Variants in HGS observed in about 807,000 individuals in gnomAD.
The protein encoded by HGS is human growth factor-regulated tyrosine kinase substrate.
A neutral mutation model predicts 109.7 loss-of-function variants in HGS; 63 were observed. The ratio of observed to expected loss-of-function variants is 0.57; its 90% CI spans 0.47 to 0.71. The LOEUF (loss-of-function observed/expected upper bound fraction) is 0.71, where lower values mean the gene tolerates loss of function less well. HGS is among the 30% of genes least tolerant of loss of function. The probability of loss-of-function intolerance (pLI) is 0.00; values close to 1 mark genes in which losing one functional copy is unlikely to be tolerated. For missense variants in HGS, 995 were observed against 1,068.3 expected (o/e 0.93, Z 0.96); for synonymous variants, 546 against 437.3 (o/e 1.25, Z -3.10).
chr17:81,695,124 C>CGGGACA lies in HGS; in HGVS notation c.1120-37_1120-32dup, dbSNP rs760937594. On this transcript the variant is annotated intron_variant, in intron 13 of 21. Transcript: ENST00000329138. ...CAGGGTCCCTTGGAAGGGGTGGATG[C>CGGGACA]GGGACAGGTTGGAGGCCCCACTCAT... The CGGGACA allele has an allele frequency of 1.9e-6, 3 of 1,613,294 alleles. No individual in the cohort carries two copies. The Admixed American group carries it at 5.0e-5, about 27-fold the overall frequency.
chr17:81,701,207 G>C (rs1377566869), intron 21 of HGS, 76 bp downstream of exon 21: 1 of 1,299,316 alleles, frequency 7.7e-7, no homozygotes, highest in Admixed American at 1.8e-5. Context: ...TGGGACCCCT[G>C]GCCCCAGTGG....
chr17:81,688,692 C>G lies in HGS; in HGVS notation c.292-12C>G. ...TGTCCTGCGACCCTCACCCCCTTCTCCCTGCCTGCAGAGACAAGTGGAGGT... is the reference window on the plus strand; with the variant it reads ...TGTCCTGCGACCCTCACCCCCTTCTGCCTGCCTGCAGAGACAAGTGGAGGT... On this transcript the variant is annotated splice_polypyrimidine_tract_variant and intron_variant, in intron 4 of 21. Coordinates refer to ENST00000329138, the MANE Select transcript of HGS (RefSeq NM_004712.5). 6.2e-7 allele frequency: 1 copy of G among 1,613,352 alleles called. No individual in the cohort carries two copies. The highest frequency in any genetic ancestry group is 8.5e-7 in the Non-Finnish European group (1 of 1,179,710).
chr17:81,689,096 A>G (rs982054915), intron 5 of HGS, among the ~76,000 whole-genome samples: 1 of 152,214 alleles, frequency 6.6e-6, no homozygotes, highest in Non-Finnish European at 1.5e-5. Context: ...CCTGTTTCAG[A>G]GTGGCAGGAC....
chr17:81,694,062 A>C, intron 11 of HGS, 97 bp downstream of exon 11: 1 of 1,077,440 alleles, frequency 9.3e-7, no homozygotes, highest in Non-Finnish European at 1.3e-6. Context: ...TTGGTGGGGG[A>C]TGCGGGTCCC....
intron 18 of HGS, 111 bp downstream of exon 18, chr17:81,697,109 T>A (rs182962848): frequency 5.0e-5 from 57 of 1,144,796 alleles, no homozygotes; most frequent in Non-Finnish European, 6.8e-5. Context: ...GTTGCCCCGA[T>A]GTGAATGTTG....
In HGS at chr17:81,701,809, GCTTT is replaced by G. The variant is rs2037242902; in HGVS notation, c.*197_*200del. On this transcript the variant is annotated 3_prime_UTR_variant, in exon 22 of 22. Coordinates refer to ENST00000329138, the MANE Select transcript of HGS (RefSeq NM_004712.5). ...TACTGCAGTCCCTGAGTTAGTCTCT[GCTTT>G]CTTTCCCCAGGGCTGGGCCATGGGG... The G allele has an allele frequency of 1.2e-6, 1 of 810,350 alleles. No individual in the cohort carries two copies. The highest frequency in any genetic ancestry group is 1.8e-6 in the Non-Finnish European group (1 of 557,750). The allele number at this position is 810,350 out of a possible 1,614,324, so 50.2% of individuals were successfully genotyped here. A position where few individuals can be genotyped will look rare whatever the true frequency, so the allele number is the denominator to read the frequency against.
intron 6 of HGS, chr17:81,690,450 C>G: frequency 1.6e-6 from 1 of 633,264 alleles, no homozygotes; most frequent in Non-Finnish European, 2.7e-6. Context: ...CTAGGGGGCT[C>G]GGGAAAGGAA....
At chr17:81,696,245 A>G in intron 15 of HGS, 112 bp from the exon 16 acceptor site, 3 of 1,324,334 alleles carry the variant, frequency 2.3e-6, no homozygotes, top group Non-Finnish European at 3.0e-6. Flanking sequence ...GCACCTTCAG[A>G]GCCCTCTGCA....
intron 8 of HGS, among the ~76,000 whole-genome samples, chr17:81,693,284 C>T (rs375417464): frequency 6.6e-6 from 1 of 152,226 alleles, no homozygotes; most frequent in East Asian, 1.9e-4. Flanking sequence ...TGGGGCTTAC[C>T]CTGAGGGACT....
In HGS at chr17:81,691,182, T is replaced by A; in HGVS notation, c.538-265T>A. ...ACTGCACTCACAAAAGCTCTTGTTT[T>A]ATCAGCAGAATTGATGTGTATTTTT... On this transcript the variant is annotated intron_variant, in intron 7 of 21. Coordinates refer to ENST00000329138, the MANE Select transcript of HGS (RefSeq NM_004712.5). The surrounding 1 kb of genome is among the most constrained non-coding windows in gnomAD (Gnocchi z 5.3). The A allele has an allele frequency of 2.0e-6, 1 of 497,164 alleles. No individual in the cohort carries two copies. Among genetic ancestry groups the A allele is most frequent in the Admixed American group, 3.3e-5 (1 of 30,604 alleles). 30.8% of individuals were successfully genotyped at this position (497,164 alleles called of 1,614,324 possible).
chr17:81,700,378 A>C, intron 18 of HGS, 89 bp from the exon 19 acceptor site: 1 of 1,393,854 alleles, frequency 7.2e-7, no homozygotes, highest in Admixed American at 2.6e-5. Context: ...AAAAAAAAAA[A>C]AAAAAAAGTA....
intron 20 of HGS, 27 bp from the exon 21 acceptor site, chr17:81,701,018 C>T (rs1257771505): frequency 1.9e-6 from 3 of 1,602,842 alleles, no homozygotes; most frequent in Admixed American, 1.7e-5. Flanking sequence ...GGGCTACTCT[C>T]TCACATCTGA....
At chr17:81,685,171 C>A in intron 1 of HGS, 1 of 649,654 alleles carries the variant, frequency 1.5e-6, no homozygotes, top group Non-Finnish European at 1.9e-6. Flanking sequence ...CCTCTCTAGC[C>A]CTTGCCCAAG....
In HGS at chr17:81,701,531, C is replaced by T. The variant is rs577730193; in HGVS notation, c.2247C>T (p.Pro749=). ...YQQMAPSGGP[P]QQQPPVAQQP... ...AGATGGCACCCTCTGGCGGTCCCCC[C>T]CAGCAGCAGCCCCCCGTGGCCCAGC... The change falls in exon 22 of 22, where the codon CCC becomes CCT. Residue 749 remains proline, a synonymous_variant. Coordinates refer to ENST00000329138, the MANE Select transcript of HGS (RefSeq NM_004712.5). The T allele has an allele frequency of 6.4e-7, 1 of 1,562,810 alleles. No homozygotes were observed. The highest frequency in any genetic ancestry group is 8.6e-7 in the Non-Finnish European group (1 of 1,161,056).
At chr17:81,695,103 G>T in intron 13 of HGS, 36 bp downstream of exon 13, 1 of 1,612,750 alleles carries the variant, frequency 6.2e-7, no homozygotes, top group Non-Finnish European at 8.5e-7. Flanking sequence ...TAGTGGCAGG[G>T]TCCCTTGGAA....
At chr17:81,698,885 A>G (rs1482879710) in intron 18 of HGS, among the ~76,000 whole-genome samples, 1 of 152,172 alleles carries the variant, frequency 6.6e-6, no homozygotes, top group Non-Finnish European at 1.5e-5. Context: ...CCTGGCCAAC[A>G]TGGTGAAACC....
At chr17:81,686,250 C>A in intron 2 of HGS, 62 bp from the exon 3 acceptor site, 1 of 1,400,210 alleles carries the variant, frequency 7.1e-7, no homozygotes, top group Non-Finnish European at 1.0e-6. Context: ...CTTTTCTCAT[C>A]TTAGTTGCTG....
chr17:81,701,526 C>T lies in HGS; in HGVS notation c.2242C>T (p.Pro748Ser), dbSNP rs763182466. 5 of 1,559,910 alleles carry T rather than the reference C, an allele frequency of 3.2e-6. No individual in the cohort carries two copies. The highest frequency in any genetic ancestry group is 3.5e-6 in the Non-Finnish European group (4 of 1,159,404). ...MYQQMAPSGGPPQQQPPVAQQ... is the reference protein window; with the variant it reads ...MYQQMAPSGGSPQQQPPVAQQ... ...TGCACAGATGGCACCCTCTGGCGGT[C>T]CCCCCCAGCAGCAGCCCCCCGTGGC... The change falls in exon 22 of 22, where the codon CCC becomes TCC. Residue 748 changes from proline (P) to serine (S), a missense_variant. Coordinates refer to ENST00000329138, the MANE Select transcript of HGS (RefSeq NM_004712.5).
chr17:81,694,079 T>C (rs1367218328), intron 11 of HGS, 114 bp downstream of exon 11: 2 of 866,414 alleles, frequency 2.3e-6, no homozygotes, highest in Non-Finnish European at 3.5e-6. Flanking sequence ...TCCCCGGGCT[T>C]CCCAGAGAGG....
Sources: gnomAD v4.1 joint callset for allele counts (sites outside exome capture counted in the v4.1 genomes callset) on GRCh38, gnomAD v4.1.1 for gene constraint, Gnocchi (gnomAD v3.1) non-coding constraint, MANE v1.5 for transcripts, NCBI Gene and HGNC (gene_info 2026-07-23, HGNC 2026-07-21) for gene names.